RNF115: variants seen among roughly 807,000 people sequenced by gnomAD.
RNF115 encodes E3 ubiquitin-protein ligase RNF115.
Under a neutral mutation model 39.2 loss-of-function variants are expected in RNF115, and 31 were observed. That is an observed-to-expected ratio of 0.79 (90% CI 0.59 to 1.07). The LOEUF is 1.07. Among genes scored for constraint, RNF115 ranks in the 50% least tolerant of loss-of-function variants. The probability of loss-of-function intolerance (pLI) is 0.00; values close to 1 mark genes in which losing one functional copy is unlikely to be tolerated. For missense variants in RNF115, 384 were observed against 381.7 expected, an observed-to-expected ratio of 1.01 and a Z score of -0.05; for synonymous variants, 124 against 131.0, an observed-to-expected ratio of 0.95 and a Z score of 0.37.
At position 145,748,046 on chromosome 1, in the gene RNF115, T is replaced by C; in HGVS notation, c.732A>G (p.Leu244=). ...DYTVEEEVRQ[L]PCNHFFHSSC... ...TGCTGTGAAAGAAGTGATTGCAAGG[T>C]AACTGCCGGACTTCCTCTTCAACTG... Residue 244 remains leucine, a synonymous_variant, in exon 8 of 9, where the codon TTA becomes TTG. Coordinates refer to ENST00000582693, the MANE Select transcript of RNF115 (RefSeq NM_014455.4). 6.2e-7 allele frequency: 1 copy of C among 1,613,938 alleles called. No homozygotes were observed. The highest frequency in any genetic ancestry group is 8.5e-7 in the Non-Finnish European group (1 of 1,179,840).
intron 4 of RNF115, among the ~76,000 whole-genome samples, chr1:145,768,758 T>C (rs1324078110): frequency 6.6e-6 from 1 of 152,244 alleles, no homozygotes; most frequent in African/African-American, 2.4e-5. Context: ...GAAGCCATGC[T>C]AAAATTCAAT....
intron 1 of RNF115, 142 bp from the exon 2 acceptor site, chr1:145,789,108 T>C (rs1253426700): frequency 1.7e-6 from 1 of 588,918 alleles, no homozygotes; most frequent in African/African-American, 1.9e-5. Context: ...TTTTGTTTTT[T>C]TTTTTCTTTT....
intron 1 of RNF115, among the ~76,000 whole-genome samples, chr1:145,819,533 C>T (rs763238960): frequency 3.3e-5 from 5 of 152,092 alleles, no homozygotes; most frequent in Admixed American, 6.6e-5. Flanking sequence ...CCACCAGACA[C>T]GAAGAAGAGC....
chr1:145,796,289 C>T (rs1344801605), intron 1 of RNF115, among the ~76,000 whole-genome samples: 2 of 152,090 alleles, frequency 1.3e-5, no homozygotes, highest in African/African-American at 4.8e-5. Context: ...AATCAAGAGA[C>T]AAGGTGTTAG....
chr1:145,786,037 A>T (rs1648364365), intron 2 of RNF115, among the ~76,000 whole-genome samples: 1 of 152,204 alleles, frequency 6.6e-6, no homozygotes, highest in Non-Finnish European at 1.5e-5. Context: ...ACACAGTTTC[A>T]GGGATTCAAA....
chr1:145,753,127 C>G, intron 4 of RNF115, 78 bp from the exon 5 acceptor site: 1 of 936,032 alleles, frequency 1.1e-6, no homozygotes, highest in South Asian at 1.5e-5. Flanking sequence ...TGCCTAATCA[C>G]CAACTAATTC....
intron 1 of RNF115, among the ~76,000 whole-genome samples, chr1:145,797,562 CGTT>C (rs1458196866): frequency 1.3e-5 from 2 of 152,104 alleles, no homozygotes; most frequent in Non-Finnish European, 2.9e-5. Context: ...AGGACATCTG[CGTT>C]GTTTTCACCT....
chr1:145,802,677 C>T (rs1189186517), intron 1 of RNF115, among the ~76,000 whole-genome samples: 1 of 151,498 alleles, frequency 6.6e-6, no homozygotes, highest in East Asian at 1.9e-4. Flanking sequence ...ATTAAAGTGT[C>T]AAAAAAAAGA....
chr1:145,784,254 G>A (rs1553717836), intron 3 of RNF115, among the ~76,000 whole-genome samples: 1 of 152,150 alleles, frequency 6.6e-6, no homozygotes, highest in African/African-American at 2.4e-5. Context: ...TTCTCACACT[G>A]TATATACAAT....
At chr1:145,800,895 C>T (rs1257002720) in intron 1 of RNF115, among the ~76,000 whole-genome samples, 4 of 152,096 alleles carry the variant, frequency 2.6e-5, no homozygotes, top group East Asian at 1.9e-4. Context: ...TTAGGACGGG[C>T]GCAGTGGCTC....
At chr1:145,786,222 T>G (rs1364100241) in intron 2 of RNF115, among the ~76,000 whole-genome samples, 1 of 152,154 alleles carries the variant, frequency 6.6e-6, no homozygotes, top group African/African-American at 2.4e-5. Flanking sequence ...TTAAGAAAAC[T>G]TACAAGGTGC....
intron 1 of RNF115, among the ~76,000 whole-genome samples, chr1:145,790,911 G>A (rs1273282614): frequency 6.6e-6 from 1 of 151,822 alleles, no homozygotes; most frequent in Non-Finnish European, 1.5e-5. Context: ...GGAGGCTAAG[G>A]TGGGCAGATC....
intron 3 of RNF115, among the ~76,000 whole-genome samples, chr1:145,779,941 C>T (rs1342848010): frequency 2.0e-5 from 3 of 150,478 alleles, no homozygotes; most frequent in Admixed American, 6.6e-5. Flanking sequence ...TTTAAAAAAG[C>T]TTAGGCCCAG....
chr1:145,804,909 GCA>G (rs1649400833), intron 1 of RNF115, among the ~76,000 whole-genome samples: 1 of 151,960 alleles, frequency 6.6e-6, no homozygotes, highest in Non-Finnish European at 1.5e-5. Context: ...AAATCTCCTG[GCA>G]CACAGTTTGA....
In RNF115 at chr1:145,746,681, G is replaced by A. The variant is rs1205392738; in HGVS notation, c.*185C>T. 3.4e-6 allele frequency: 2 copies of A among 587,694 alleles called. No homozygotes were observed. Among genetic ancestry groups the A allele is most frequent in the Admixed American group, 6.7e-5 (2 of 30,040 alleles). 36.4% of individuals were successfully genotyped at this position (587,694 alleles called of 1,614,324 possible). On this transcript the variant is annotated 3_prime_UTR_variant, in exon 9 of 9. Transcript: ENST00000582693. ...ATTCAGGGATAAGAGGCATTTGGTT[G>A]TAGATACAATTCCATCTGTAGATAC...
intron 1 of RNF115, among the ~76,000 whole-genome samples, chr1:145,819,430 C>T (rs2770172): frequency 1.4e-3 from 213 of 152,010 alleles, no homozygotes; most frequent in African/African-American, 4.5e-3. Flanking sequence ...CCAGTATGGG[C>T]GACACAGTGA....
intron 3 of RNF115, among the ~76,000 whole-genome samples, chr1:145,781,536 G>C (rs1300982500): frequency 6.6e-6 from 1 of 152,118 alleles, no homozygotes; most frequent in East Asian, 1.9e-4. Flanking sequence ...TCACTATGAA[G>C]TCTTAATAAT....
intron 1 of RNF115, among the ~76,000 whole-genome samples, chr1:145,802,536 A>G (rs587685993): frequency 2.0e-5 from 3 of 152,330 alleles, no homozygotes; most frequent in East Asian, 1.9e-4. Context: ...TTTGTATCCA[A>G]TACTTATTCA....
At chr1:145,798,672 T>G (rs1024441902) in intron 1 of RNF115, among the ~76,000 whole-genome samples, 38 of 152,194 alleles carry the variant, frequency 2.5e-4, no homozygotes, top group African/African-American at 4.1e-4. Context: ...AAATTAATTT[T>G]GGGATGAAAC....
Sources: gnomAD v4.1 joint callset for allele counts (sites outside exome capture counted in the v4.1 genomes callset) on GRCh38, gnomAD v4.1.1 for gene constraint, MANE v1.5 for transcripts, NCBI Gene and HGNC (gene_info 2026-07-23, HGNC 2026-07-21) for gene names.